Variants in NBAS observed in about 807,000 individuals in gnomAD.
NBAS encodes the protein NAG/BC035112 fusion.
In NBAS, 219 loss-of-function variants were observed where a neutral mutation model predicts 302.5. That is an observed-to-expected ratio of 0.72 (90% CI 0.65 to 0.81). The LOEUF (loss-of-function observed/expected upper bound fraction) is 0.81, where lower values mean the gene tolerates loss of function less well. NBAS is among the 30% of genes least tolerant of loss of function. NBAS has a pLI of 0.00. For missense variants in NBAS, 2,932 were observed against 2,841.6 expected (o/e 1.03, Z -0.72); for synonymous variants, 1,118 against 1,021.6 (o/e 1.09, Z -1.80).
intron 9 of NBAS, among the ~76,000 whole-genome samples, chr2:15,533,636 G>A (rs370787857): frequency 2.6e-5 from 4 of 151,598 alleles, no homozygotes; most frequent in East Asian, 1.9e-4. Context: ...GAACGGAGAC[G>A]ATGGGATTGG....
At chr2:14,904,426 A>C in the NBAS span, among the ~76,000 whole-genome samples, 1 of 152,236 alleles carries the variant, frequency 6.6e-6, no homozygotes, top group African/African-American at 2.4e-5. Flanking sequence ...TGTGATGTCC[A>C]AGGGCAGGAA....
chr2:15,532,225 C>T (rs1663252416), intron 9 of NBAS, among the ~76,000 whole-genome samples: 1 of 152,106 alleles, frequency 6.6e-6, no homozygotes, highest in Admixed American at 6.5e-5. Flanking sequence ...CATGGTGGCT[C>T]ACGCCTGTAA....
chr2:15,495,421 G>A (rs1322362702), intron 11 of NBAS, among the ~76,000 whole-genome samples: 1 of 151,984 alleles, frequency 6.6e-6, no homozygotes, highest in Non-Finnish European at 1.5e-5. Flanking sequence ...CTATAAAGAT[G>A]CAATGAGTAA....
At chr2:15,138,551 C>T in the NBAS span, among the ~76,000 whole-genome samples, 8 of 152,108 alleles carry the variant, frequency 5.3e-5, no homozygotes, top group Non-Finnish European at 7.4e-5. Flanking sequence ...TGGCATGGGA[C>T]AAAGAGCCCA....
intron 44 of NBAS, among the ~76,000 whole-genome samples, chr2:15,251,305 C>T (rs563443566): frequency 1.7e-3 from 257 of 152,148 alleles, no homozygotes; most frequent in African/African-American, 5.2e-3. Context: ...CAGGGCCTGT[C>T]GGCGGGTGGG....
the NBAS span, among the ~76,000 whole-genome samples, chr2:15,056,443 C>T: frequency 2.6e-5 from 4 of 152,232 alleles, no homozygotes; most frequent in African/African-American, 9.6e-5. Context: ...AAATTTGAGA[C>T]TGATTTACAA....
chr2:14,916,023 G>T, the NBAS span, among the ~76,000 whole-genome samples: 6 of 152,186 alleles, frequency 3.9e-5, no homozygotes, highest in East Asian at 1.2e-3. Flanking sequence ...TTTGTAAATT[G>T]CCCAGTCTCA....
chr2:15,361,164 T>C (rs1187522739), intron 32 of NBAS, among the ~76,000 whole-genome samples: 2 of 152,194 alleles, frequency 1.3e-5, no homozygotes, highest in African/African-American at 4.8e-5. Flanking sequence ...GAGATCGTTG[T>C]TGACCAAAAT....
At chr2:14,967,039 A>C in the NBAS span, among the ~76,000 whole-genome samples, 3 of 152,336 alleles carry the variant, frequency 2.0e-5, no homozygotes, top group South Asian at 6.2e-4. Context: ...AATTTAAAAT[A>C]CCATTATTAA....
chr2:14,918,230 G>C, the NBAS span, among the ~76,000 whole-genome samples: 3 of 151,024 alleles, frequency 2.0e-5, no homozygotes, highest in Admixed American at 6.6e-5. Context: ...TATCAAGTAC[G>C]TACTCTGTGC....
At chr2:15,309,410 T>C (rs556980851) in intron 38 of NBAS, among the ~76,000 whole-genome samples, 163 bp from the exon 39 acceptor site, 41 of 152,374 alleles carry the variant, frequency 2.7e-4, no homozygotes, top group African/African-American at 9.4e-4. Flanking sequence ...CATATGGAAC[T>C]GTGTTAAATA....
At chr2:15,093,957 C>G in the NBAS span, among the ~76,000 whole-genome samples, 1 of 152,146 alleles carries the variant, frequency 6.6e-6, no homozygotes, top group Non-Finnish European at 1.5e-5. Context: ...AAAGTGTTAT[C>G]TCATTATAAT....
intron 35 of NBAS, among the ~76,000 whole-genome samples, chr2:15,345,468 G>C (rs913575358): frequency 2.6e-5 from 4 of 152,090 alleles, no homozygotes; most frequent in African/African-American, 4.8e-5. Context: ...ACCTCTCAAG[G>C]AGAACTACAA....
At chr2:15,521,336 C>T (rs1397719179) in intron 9 of NBAS, among the ~76,000 whole-genome samples, 1 of 152,150 alleles carries the variant, frequency 6.6e-6, no homozygotes, top group Non-Finnish European at 1.5e-5. Context: ...ACTGTAATTT[C>T]ACCGAAGAAA....
chr2:14,801,121 C>T, the NBAS span, among the ~76,000 whole-genome samples: 1 of 152,082 alleles, frequency 6.6e-6, no homozygotes, highest in Non-Finnish European at 1.5e-5. Flanking sequence ...TGCCCCCTGC[C>T]ATCACTATCT....
chr2:14,958,396 C>T, the NBAS span, among the ~76,000 whole-genome samples: 1 of 152,202 alleles, frequency 6.6e-6, no homozygotes, highest in Non-Finnish European at 1.5e-5. Flanking sequence ...CAGCAGAACT[C>T]TGAGAGAAAA....
the NBAS span, among the ~76,000 whole-genome samples, chr2:15,159,542 T>C: frequency 3.9e-5 from 6 of 152,176 alleles, no homozygotes; most frequent in East Asian, 1.2e-3. Context: ...ATTCCACTGG[T>C]TCTACTTATG....
the NBAS span, among the ~76,000 whole-genome samples, chr2:14,987,364 T>TA: frequency 6.6e-6 from 1 of 152,066 alleles, no homozygotes; most frequent in Non-Finnish European, 1.5e-5. Flanking sequence ...TCTTTTTTAT[T>TA]AAAAATAAAC....
the NBAS span, among the ~76,000 whole-genome samples, chr2:15,110,402 A>G: frequency 1.2e-4 from 19 of 152,162 alleles, no homozygotes; most frequent in African/African-American, 3.9e-4. Context: ...TTTTATTTAT[A>G]ATTGTTCTAG....
Sources: gnomAD v4.1 joint callset for allele counts (sites outside exome capture counted in the v4.1 genomes callset) on GRCh38, gnomAD v4.1.1 for gene constraint, MANE v1.5 for transcripts, NCBI Gene and HGNC (gene_info 2026-07-23, HGNC 2026-07-21) for gene names.